STK38L: variants seen among roughly 807,000 people sequenced by gnomAD.
STK38L encodes the protein serine/threonine kinase 38 like, also known as serine/threonine-protein kinase 38-like.
A neutral mutation model predicts 59.7 loss-of-function variants in STK38L; 28 were observed. The observed-to-expected ratio is 0.47, with a 90% CI of 0.35 to 0.64. The LOEUF is 0.64. STK38L is among the 30% of genes least tolerant of loss of function. The pLI is 0.01. For missense variants in STK38L, 314 were observed against 555.8 expected, an observed-to-expected ratio of 0.56 and a Z score of 4.37; for synonymous variants, 162 against 176.8, an observed-to-expected ratio of 0.92 and a Z score of 0.66.
chr12:27,260,352 T>G (rs1943178842), intron 1 of STK38L, among the ~76,000 whole-genome samples: 3 of 152,248 alleles, frequency 2.0e-5, no homozygotes, highest in Admixed American at 2.0e-4. Context: ...CATGTTTGCC[T>G]TCCTTTGTAT....
intron 1 of STK38L, among the ~76,000 whole-genome samples, chr12:27,288,819 C>T (rs1453408831): frequency 6.6e-6 from 1 of 151,940 alleles, no homozygotes; most frequent in Non-Finnish European, 1.5e-5. Context: ...GGTCTCCCCT[C>T]ACCTTCGTTA....
rs1944363605 is a variant in STK38L at position 27,308,258 on chromosome 12, T to C, written c.187-81T>C. 7.7e-7 allele frequency: 1 copy of C among 1,293,468 alleles called. No individual in the cohort carries two copies. The highest frequency in any genetic ancestry group is 2.7e-5 in the East Asian group (1 of 36,822). 80.1% of individuals were successfully genotyped at this position (1,293,468 alleles called of 1,614,324 possible). ...ATTAGTGCTATCATTTATTTTTACG[T>C]GTATCATCTTTTAATACTAGAAGCT... On this transcript the variant is annotated intron_variant, in intron 3 of 13. Coordinates refer to ENST00000389032, the MANE Select transcript of STK38L (RefSeq NM_015000.4). The surrounding 1 kb of genome is among the most constrained non-coding windows in gnomAD (Gnocchi z 4.5).
At chr12:27,292,605 T>G (rs16931848) in intron 1 of STK38L, among the ~76,000 whole-genome samples, 1,870 of 151,296 alleles carry the variant, frequency 0.012, 44 homozygotes, top group African/African-American at 0.042. Flanking sequence ...TACCATCACT[T>G]ACAGACTGCC....
At chr12:27,250,916 G>T (rs759077371) in intron 1 of STK38L, among the ~76,000 whole-genome samples, 11 of 150,554 alleles carry the variant, frequency 7.3e-5, no homozygotes, top group Non-Finnish European at 1.6e-4. Flanking sequence ...GGAGAATGGC[G>T]TCAACCCGGG....
chr12:27,248,034 C>T (rs1180622853), intron 1 of STK38L, among the ~76,000 whole-genome samples: 1 of 152,052 alleles, frequency 6.6e-6, no homozygotes, highest in Admixed American at 6.6e-5. Flanking sequence ...AGCCTGGTCT[C>T]GAACTCCTTG....
chr12:27,317,290 T>G, intron 9 of STK38L, 46 bp from the exon 10 acceptor site: 2 of 1,383,878 alleles, frequency 1.4e-6, no homozygotes, highest in Non-Finnish European at 2.0e-6. Context: ...AGATAGATAT[T>G]TTTTAAATGT....
At chr12:27,244,639 G>A (rs1490094953) in intron 1 of STK38L, among the ~76,000 whole-genome samples, 1 of 152,152 alleles carries the variant, frequency 6.6e-6, no homozygotes, top group East Asian at 1.9e-4. Context: ...CCCCGCCTGG[G>A]CTTCACAAAC....
intron 1 of STK38L, among the ~76,000 whole-genome samples, chr12:27,258,652 C>G (rs950060855): frequency 6.6e-6 from 1 of 152,206 alleles, no homozygotes; most frequent in African/African-American, 2.4e-5. Context: ...ATGTATACAA[C>G]AGTTTTCACA....
rs751838920 is a variant in STK38L, at chr12:27,315,127, G to A, written c.775+10G>A. The A allele has an allele frequency of 1.2e-6, 2 of 1,611,088 alleles. No homozygotes were observed. The highest frequency in any genetic ancestry group is 2.2e-5 in the South Asian group (2 of 90,764). On this transcript the variant is annotated intron_variant, in intron 8 of 13. Coordinates refer to ENST00000389032, the MANE Select transcript of STK38L (RefSeq NM_015000.4). ...CCACCAAGTGACTTCTGTAAGTTTG[G>A]TTGTTGTTTTTCTTCTTTCCCCTGG...
chr12:27,305,142 GT>G, intron 3 of STK38L, among the ~76,000 whole-genome samples: 1 of 152,180 alleles, frequency 6.6e-6, no homozygotes. Context: ...CCAAGGCCCT[GT>G]TTTTCCAGAG....
chr12:27,254,852 AC>A (rs1345845718), intron 1 of STK38L, among the ~76,000 whole-genome samples: 1 of 152,110 alleles, frequency 6.6e-6, no homozygotes. Flanking sequence ...GTACCTCCAC[AC>A]CTCTTCCAGG....
chr12:27,281,550 A>T (rs1396613212), intron 1 of STK38L, among the ~76,000 whole-genome samples: 2 of 152,164 alleles, frequency 1.3e-5, no homozygotes, highest in Non-Finnish European at 2.9e-5. Flanking sequence ...TCTAAAATGG[A>T]GAAATAGTAC....
chr12:27,302,844 T>C (rs1337595422), intron 3 of STK38L, among the ~76,000 whole-genome samples: 2 of 150,656 alleles, frequency 1.3e-5, no homozygotes, highest in Non-Finnish European at 3.0e-5. Flanking sequence ...CCGTCACTGC[T>C]AAAAATACAA....
rs540144663 is a variant in STK38L at position 27,305,275 on chromosome 12, T to C, written c.187-3064T>C. ...AGTTTGTAGCTTCCTGTTTGCAACT[T>C]CTGGTCTGCATCAGCAAGTACTGAC... On this transcript the variant is annotated intron_variant, in intron 3 of 13. Transcript: ENST00000389032. Among the ~76,000 whole-genome samples the C allele has an allele frequency of 3.9e-5, 6 of 152,378 alleles. No homozygotes were observed. In the South Asian group the frequency reaches 1.2e-3, roughly 32 times the overall value.
chr12:27,307,598 GCTAA>G (rs1163132507), intron 3 of STK38L, among the ~76,000 whole-genome samples: 5 of 152,150 alleles, frequency 3.3e-5, no homozygotes, highest in African/African-American at 4.8e-5. Flanking sequence ...TCTACTAGGA[GCTAA>G]CTATGTCCAA....
intron 11 of STK38L, among the ~76,000 whole-genome samples, chr12:27,319,121 A>G (rs1403282794): frequency 6.6e-6 from 1 of 152,262 alleles, no homozygotes; most frequent in Non-Finnish European, 1.5e-5. Context: ...TAATATTGTA[A>G]AAGATTAGCA....
At chr12:27,260,639 A>G (rs1943186294) in intron 1 of STK38L, among the ~76,000 whole-genome samples, 1 of 151,718 alleles carries the variant, frequency 6.6e-6, no homozygotes, top group African/African-American at 2.4e-5. Flanking sequence ...GCTGTGTGGT[A>G]CTCTCCTCCC....
intron 1 of STK38L, among the ~76,000 whole-genome samples, chr12:27,267,451 C>T (rs994379026): frequency 5.9e-5 from 9 of 152,188 alleles, no homozygotes; most frequent in African/African-American, 1.2e-4. Flanking sequence ...CAGCCAGGCA[C>T]GGTGGCATAT....
intron 1 of STK38L, among the ~76,000 whole-genome samples, chr12:27,260,553 T>G (rs1591853744): frequency 6.6e-6 from 1 of 152,170 alleles, no homozygotes; most frequent in East Asian, 1.9e-4. Flanking sequence ...CCCCTCACTC[T>G]CTCTGTGCCG....
Sources: gnomAD v4.1 joint callset for allele counts (sites outside exome capture counted in the v4.1 genomes callset) on GRCh38, gnomAD v4.1.1 for gene constraint, Gnocchi (gnomAD v3.1) non-coding constraint, MANE v1.5 for transcripts, NCBI Gene and HGNC (gene_info 2026-07-23, HGNC 2026-07-21) for gene names.